The following MIER1 variants were observed in gnomAD, a reference collection of about 807,000 sequenced individuals.
The protein encoded by MIER1 is MIER1 transcriptional regulator.
Under a neutral mutation model 75.7 loss-of-function variants are expected in MIER1, and 40 were observed. The observed-to-expected ratio is 0.53, with a 90% confidence interval of 0.41 to 0.69. The LOEUF (loss-of-function observed/expected upper bound fraction) is 0.69. Among genes scored for constraint, MIER1 ranks in the 30% least tolerant of loss-of-function variants. MIER1 has a pLI of 0.00. For missense variants in MIER1, 574 were observed against 680.2 expected (o/e 0.84, Z 1.74); for synonymous variants, 213 against 223.4 (o/e 0.95, Z 0.42).
chr1:66,972,255 T>G (rs1280948678), intron 10 of MIER1, among the ~76,000 whole-genome samples: 1 of 110,842 alleles, frequency 9.0e-6, no homozygotes, highest in East Asian at 2.3e-4. Flanking sequence ...TATATATATA[T>G]ATATATAGAT....
At chr1:66,958,612 A>G (rs182880493) in intron 5 of MIER1, among the ~76,000 whole-genome samples, 3 of 152,116 alleles carry the variant, frequency 2.0e-5, no homozygotes, top group African/African-American at 7.2e-5. Flanking sequence ...TCTTACCTCA[A>G]CTTCTGCTAA....
At chr1:66,979,305 T>G (rs2102022490) in intron 12 of MIER1, among the ~76,000 whole-genome samples, 2 of 152,352 alleles carry the variant, frequency 1.3e-5, no homozygotes, top group East Asian at 3.9e-4. Flanking sequence ...ATTAAGCTAA[T>G]GTGTTTAGAG....
intron 3 of MIER1, among the ~76,000 whole-genome samples, chr1:66,940,620 T>C (rs941814830): frequency 6.6e-6 from 1 of 152,202 alleles, no homozygotes; most frequent in Non-Finnish European, 1.5e-5. Flanking sequence ...ACAGTACATA[T>C]TCATTTTTTC....
At chr1:66,931,369 T>A (rs1023528639) in intron 2 of MIER1, among the ~76,000 whole-genome samples, 3 of 152,252 alleles carry the variant, frequency 2.0e-5, no homozygotes, top group Non-Finnish European at 4.4e-5. Flanking sequence ...GTGGAAGAAT[T>A]TCAGTATTCT....
chr1:66,959,813 T>TA (rs1160596935), intron 7 of MIER1, 70 bp downstream of exon 7: 12 of 686,052 alleles, frequency 1.7e-5, no homozygotes, highest in South Asian at 8.2e-5. Context: ...GTGTAATTAT[T>TA]TTTTTTTTTA....
chr1:66,936,480 G>A (rs1654871318), intron 2 of MIER1, among the ~76,000 whole-genome samples: 1 of 151,924 alleles, frequency 6.6e-6, no homozygotes, highest in African/African-American at 2.4e-5. Flanking sequence ...TGATCTGCCT[G>A]CCTCGGCCTC....
At chr1:66,975,391 G>A (rs934690682) in intron 11 of MIER1, among the ~76,000 whole-genome samples, 1 of 152,018 alleles carries the variant, frequency 6.6e-6, no homozygotes, top group Non-Finnish European at 1.5e-5. Flanking sequence ...CCTGAGTTTG[G>A]TGGCATGCAA....
At position 66,985,552 on chromosome 1, in the gene MIER1, ATT is replaced by A. The variant is rs1268077646; in HGVS notation, c.*656_*657del. 1 of 985,034 alleles carries A rather than the reference ATT, an allele frequency of 1.0e-6. No homozygotes were observed. Among genetic ancestry groups the A allele is most frequent in the Non-Finnish European group, 1.2e-6 (1 of 829,654 alleles). The allele number at this position is 985,034 out of a possible 1,614,324, so 61.0% of individuals were successfully genotyped here. On this transcript the variant is annotated 3_prime_UTR_variant, in exon 14 of 14. Transcript: ENST00000401041. ...TCTGGGCTTAAGAAATACATTCTGT[ATT>A]TTTCCAGATTCTTTGTAGCCTTTGA...
intron 3 of MIER1, among the ~76,000 whole-genome samples, chr1:66,945,304 T>A (rs1345117527): frequency 7.3e-6 from 1 of 136,678 alleles, no homozygotes; most frequent in Non-Finnish European, 1.5e-5. Flanking sequence ...TATATATATA[T>A]ATATATATAT....
At chr1:66,975,007 AT>A (rs962578072) in intron 11 of MIER1, among the ~76,000 whole-genome samples, 3 of 152,064 alleles carry the variant, frequency 2.0e-5, no homozygotes, top group South Asian at 2.1e-4. Context: ...TGAGAGGATG[AT>A]TTTTTTTAAA....
chr1:66,971,872 T>C (rs760498296), intron 10 of MIER1, 136 bp downstream of exon 10: 2 of 501,606 alleles, frequency 4.0e-6, no homozygotes, highest in Non-Finnish European at 7.1e-6. Context: ...ATACCAAGTA[T>C]TACTAAACAA....
At chr1:66,960,734 A>G (rs1032633791) in intron 7 of MIER1, among the ~76,000 whole-genome samples, 1 of 152,216 alleles carries the variant, frequency 6.6e-6, no homozygotes, top group Non-Finnish European at 1.5e-5. Flanking sequence ...AGTTTACGGT[A>G]TGTGTTAATT....
intron 7 of MIER1, among the ~76,000 whole-genome samples, chr1:66,960,277 A>T (rs547902951): frequency 6.6e-6 from 1 of 151,892 alleles, no homozygotes; most frequent in Non-Finnish European, 1.5e-5. Context: ...TAAAAGAAAA[A>T]CTCTCCAAAT....
At chr1:66,961,148 T>G (rs916452399) in intron 7 of MIER1, among the ~76,000 whole-genome samples, 1 of 152,176 alleles carries the variant, frequency 6.6e-6, no homozygotes, top group African/African-American at 2.4e-5. Context: ...CCAGAGTAAA[T>G]GCAGATTGTT....
intron 12 of MIER1, among the ~76,000 whole-genome samples, chr1:66,980,311 CCAT>C (rs1665632530): frequency 6.6e-6 from 1 of 152,138 alleles, no homozygotes. Flanking sequence ...GTATTCAAGA[CCAT>C]CTAATTGAAT....
intron 1 of MIER1, 174 bp downstream of exon 1, chr1:66,925,269 C>A: frequency 1.0e-6 from 1 of 984,136 alleles, no homozygotes; most frequent in Non-Finnish European, 1.2e-6. Context: ...GGCTTGCTCT[C>A]CGCCGGCTGC....
At chr1:66,931,467 T>A (rs1170223259) in intron 2 of MIER1, among the ~76,000 whole-genome samples, 1 of 152,212 alleles carries the variant, frequency 6.6e-6, no homozygotes, top group Non-Finnish European at 1.5e-5. Context: ...TGATAAGGCA[T>A]TTCTCTTGTT....
At position 66,968,136 on chromosome 1, in the gene MIER1, A is replaced by G. The variant is rs1162611535; in HGVS notation, c.773-2672A>G. On this transcript the variant is annotated intron_variant, in intron 8 of 13. Coordinates refer to ENST00000401041, the MANE Select transcript of MIER1 (RefSeq NM_001077700.3). ...TGAAGCTTTCTCATTTTGAGAATTT[A>G]AGTATATTAGTTTGTGTAAGGAGGA... Among the ~76,000 whole-genome samples, 3 of 152,120 alleles carry G rather than the reference A, an allele frequency of 2.0e-5. No individual in the cohort carries two copies. In the East Asian group the frequency reaches 5.8e-4, roughly 29 times the overall value.
intron 8 of MIER1, among the ~76,000 whole-genome samples, chr1:66,966,194 C>A (rs900520682): frequency 2.0e-5 from 3 of 152,158 alleles, no homozygotes; most frequent in Non-Finnish European, 4.4e-5. Context: ...CTTCTCCCCA[C>A]CCCACGACAG....
Sources: allele counts gnomAD v4.1 joint callset (sites outside exome capture counted in the v4.1 genomes callset), GRCh38; gene constraint gnomAD v4.1.1; transcripts MANE v1.5; gene names NCBI Gene and HGNC (gene_info 2026-07-23, HGNC 2026-07-21).